AK5: variants seen among roughly 807,000 people sequenced by gnomAD.
AK5 encodes the protein adenylate kinase 5, also known as adenylate kinase isoenzyme 5.
Under a neutral mutation model 69.5 loss-of-function variants are expected in AK5, and 27 were observed. That is an observed-to-expected ratio of 0.39 (90% CI 0.29 to 0.54). The LOEUF (loss-of-function observed/expected upper bound fraction) is 0.54. Among genes scored for constraint, AK5 ranks in the 20% least tolerant of loss-of-function variants. AK5 has a pLI of 0.71. For missense variants in AK5, 531 were observed against 700.4 expected, an observed-to-expected ratio of 0.76 and a Z score of 2.73; for synonymous variants, 260 against 244.4, an observed-to-expected ratio of 1.06 and a Z score of -0.60.
At chr1:77,345,261 G>C (rs772268598) in intron 6 of AK5, among the ~76,000 whole-genome samples, 1 of 152,176 alleles carries the variant, frequency 6.6e-6, no homozygotes, top group East Asian at 1.9e-4. Flanking sequence ...GAGGTAAGCT[G>C]TGGTCACAGG....
intron 8 of AK5, among the ~76,000 whole-genome samples, chr1:77,428,553 G>A (rs1271270116): frequency 6.6e-6 from 1 of 151,976 alleles, no homozygotes; most frequent in African/African-American, 2.4e-5. Context: ...TTCAAAGGAG[G>A]AGGTGTGCAG....
intron 12 of AK5, 121 bp downstream of exon 12, chr1:77,522,064 C>G: frequency 1.4e-6 from 1 of 735,318 alleles, no homozygotes; most frequent in Non-Finnish European, 2.2e-6. Context: ...GGGGCAGAAA[C>G]TTGACTCAAA....
chr1:77,558,478 G>A (rs1237913432), intron 13 of AK5, 124 bp from the exon 14 acceptor site: 1 of 467,212 alleles, frequency 2.1e-6, no homozygotes, highest in Admixed American at 5.7e-5. Flanking sequence ...TCTGTGTTTT[G>A]GGGGGGGTCT....
chr1:77,318,989 A>C (rs1660386600), intron 5 of AK5, among the ~76,000 whole-genome samples: 1 of 152,192 alleles, frequency 6.6e-6, no homozygotes. Flanking sequence ...TGAGGAAAAA[A>C]TGGAAAGGTA....
At chr1:77,306,707 C>A (rs1324517547) in intron 5 of AK5, among the ~76,000 whole-genome samples, 1 of 151,938 alleles carries the variant, frequency 6.6e-6, no homozygotes, top group Non-Finnish European at 1.5e-5. Flanking sequence ...TGGTAGAATT[C>A]AACAGTGAAG....
At chr1:77,522,133 T>C (rs1570305043) in intron 12 of AK5, among the ~76,000 whole-genome samples, 190 bp downstream of exon 12, 1 of 152,132 alleles carries the variant, frequency 6.6e-6, no homozygotes, top group East Asian at 1.9e-4. Flanking sequence ...CCAGCAGTGG[T>C]TTAGATTTGG....
At chr1:77,426,674 C>T (rs550957428) in intron 8 of AK5, among the ~76,000 whole-genome samples, 34 of 152,288 alleles carry the variant, frequency 2.2e-4, no homozygotes, top group Admixed American at 2.1e-3. Flanking sequence ...CTTTATCCAA[C>T]AACAACAGAA....
At position 77,377,986 on chromosome 1, in the gene AK5, A is replaced by G. The variant is rs577544337; in HGVS notation, c.892-32995A>G. Among the ~76,000 whole-genome samples, 4 of 135,826 alleles carry G rather than the reference A, an allele frequency of 2.9e-5. No individual in the cohort carries two copies. The East Asian group carries it at 8.0e-4, about 27-fold the overall frequency. 89.1% of individuals were successfully genotyped at this position (135,826 alleles called of 152,430 possible). ...AAATACTTCCTTGATAGCACTTATC[A>G]TGTTGTTTTATTATGAATGTTTTTT... On this transcript the variant is annotated intron_variant, in intron 6 of 13. Transcript: ENST00000354567.
chr1:77,464,983 A>T (rs1654051828), intron 8 of AK5, among the ~76,000 whole-genome samples: 1 of 152,210 alleles, frequency 6.6e-6, no homozygotes, highest in Non-Finnish European at 1.5e-5. Flanking sequence ...CTCTTTGCCA[A>T]GAACCAGGGT....
intron 12 of AK5, among the ~76,000 whole-genome samples, chr1:77,526,577 G>A (rs1354474174): frequency 1.5e-5 from 2 of 137,308 alleles, no homozygotes; most frequent in African/African-American, 5.4e-5. Flanking sequence ...CCGGGTTCAC[G>A]CCATTCTCCT....
At chr1:77,486,773 T>C (rs1056595550) in intron 10 of AK5, among the ~76,000 whole-genome samples, 2 of 152,096 alleles carry the variant, frequency 1.3e-5, no homozygotes, top group African/African-American at 4.8e-5. Flanking sequence ...TTGGTCAAAA[T>C]AGTACCCCAA....
chr1:77,530,799 C>G (rs1658531131), intron 12 of AK5, among the ~76,000 whole-genome samples: 1 of 152,092 alleles, frequency 6.6e-6, no homozygotes, highest in Non-Finnish European at 1.5e-5. Flanking sequence ...GCATGGAGAG[C>G]TCCTGCCCAC....
At chr1:77,490,015 C>T (rs1184305220) in intron 10 of AK5, among the ~76,000 whole-genome samples, 1 of 152,224 alleles carries the variant, frequency 6.6e-6, no homozygotes, top group East Asian at 1.9e-4. Context: ...CTCCTCTGCG[C>T]TCCTCCTCCC....
chr1:77,524,905 T>G (rs1457578508), intron 12 of AK5, among the ~76,000 whole-genome samples: 13 of 152,156 alleles, frequency 8.5e-5, no homozygotes, highest in Non-Finnish European at 1.5e-5. Flanking sequence ...CCAGTTTGTT[T>G]GTTTGTTTCT....
At chr1:77,367,569 A>ATATATGTTATATATATATGT (rs1646980173) in intron 6 of AK5, among the ~76,000 whole-genome samples, 6 of 31,642 alleles carry the variant, frequency 1.9e-4, no homozygotes, top group African/African-American at 2.8e-4. Flanking sequence ...ATATATATAT[A>ATATATGTTATATATATATGT]TATATATATA....
intron 6 of AK5, among the ~76,000 whole-genome samples, chr1:77,349,088 G>C (rs1662061732): frequency 6.6e-6 from 1 of 152,048 alleles, no homozygotes; most frequent in Admixed American, 6.6e-5. Flanking sequence ...AGCATTTAAG[G>C]CTTGCCCGTC....
At chr1:77,306,646 A>G (rs565211750) in intron 5 of AK5, among the ~76,000 whole-genome samples, 1 of 151,558 alleles carries the variant, frequency 6.6e-6, no homozygotes, top group Non-Finnish European at 1.5e-5. Flanking sequence ...CTCCTCCTCT[A>G]TTTTTTGGAA....
At chr1:77,387,817 T>C (rs776663921) in intron 6 of AK5, among the ~76,000 whole-genome samples, 7 of 152,220 alleles carry the variant, frequency 4.6e-5, no homozygotes, top group Non-Finnish European at 8.8e-5. Flanking sequence ...ACTTGGTATC[T>C]GATTAGTAAC....
intron 6 of AK5, among the ~76,000 whole-genome samples, chr1:77,361,236 G>C (rs1041381351): frequency 6.6e-6 from 1 of 151,996 alleles, no homozygotes; most frequent in Non-Finnish European, 1.5e-5. Context: ...CTTAATGTTC[G>C]TAACAGACAT....
Sources: allele counts gnomAD v4.1 joint callset (sites outside exome capture counted in the v4.1 genomes callset), GRCh38; gene constraint gnomAD v4.1.1; transcripts MANE v1.5; gene names NCBI Gene and HGNC (gene_info 2026-07-23, HGNC 2026-07-21).